Variants in PPARGC1A observed in about 807,000 individuals in gnomAD.
The protein encoded by PPARGC1A is peroxisome proliferator-activated receptor gamma coactivator 1-alpha.
PPARGC1A carries 25 observed loss-of-function variants against 88.7 expected under a neutral mutation model. The observed-to-expected ratio is 0.28, with a 90% CI of 0.21 to 0.39. PPARGC1A has a LOEUF of 0.39. Ranked by LOEUF, PPARGC1A falls within the 10% of genes least tolerant of loss-of-function variation. The pLI, the probability that PPARGC1A is intolerant of heterozygous loss-of-function variation, is 1.00. For missense variants in PPARGC1A, 880 were observed against 968.7 expected, an observed-to-expected ratio of 0.91 and a Z score of 1.22; for synonymous variants, 363 against 355.6, an observed-to-expected ratio of 1.02 and a Z score of -0.24.
At chr4:24,234,887 C>T in the PPARGC1A span, among the ~76,000 whole-genome samples, 1 of 152,108 alleles carries the variant, frequency 6.6e-6, no homozygotes, top group Non-Finnish European at 1.5e-5. Flanking sequence ...TTAGGATAGT[C>T]CTCTATTACA....
rs1165822767 is a variant in PPARGC1A at position 23,792,338 on chromosome 4, G to C, written c.*3484C>G. Reference sequence around the variant, plus strand: ...CACATTATAGTACATGGCTATTCTAGGTCATCTATAGATCAGGTCTTAGAC... The same window carrying C: ...CACATTATAGTACATGGCTATTCTACGTCATCTATAGATCAGGTCTTAGAC... On this transcript the variant is annotated 3_prime_UTR_variant, in exon 13 of 13. Coordinates refer to ENST00000264867, the MANE Select transcript of PPARGC1A (RefSeq NM_013261.5). The C allele has an allele frequency of 6.6e-6, 1 of 152,502 alleles. No homozygotes were observed. Among genetic ancestry groups the C allele is most frequent in the Non-Finnish European group, 1.5e-5 (1 of 68,016 alleles). 9.4% of individuals were successfully genotyped at this position (152,502 alleles called of 1,614,324 possible).
At chr4:24,208,682 A>AAAAATAT in the PPARGC1A span, among the ~76,000 whole-genome samples, 52 of 134,980 alleles carry the variant, frequency 3.9e-4, no homozygotes, top group African/African-American at 5.3e-4. Flanking sequence ...TCAGAAAAAA[A>AAAAATAT]ATATATATAT....
At chr4:24,364,176 G>A in the PPARGC1A span, among the ~76,000 whole-genome samples, 6 of 152,152 alleles carry the variant, frequency 3.9e-5, no homozygotes, top group African/African-American at 7.2e-5. Context: ...AATGGAAAGA[G>A]AAGCCAGCCA....
Position 23,836,381 on chromosome 4 carries a change from G to A in PPARGC1A, c.235-4630C>T, listed in dbSNP as rs116809283. On this transcript the variant is annotated intron_variant, in intron 2 of 12. Transcript: ENST00000264867. ...TCTCCTTACACAATGCAATTCTTCCGACCTAAATAAAGGTCTGTGTGACTG... is the reference window on the plus strand; with the variant it reads ...TCTCCTTACACAATGCAATTCTTCCAACCTAAATAAAGGTCTGTGTGACTG... 4.3e-3 allele frequency among the ~76,000 whole-genome samples: 662 copies of A among 152,226 alleles called. 7 individuals are homozygous for A. The highest frequency in any genetic ancestry group is 0.015 in the African/African-American group (631 of 41,530).
the PPARGC1A span, among the ~76,000 whole-genome samples, chr4:24,086,602 G>T: frequency 6.6e-6 from 1 of 152,128 alleles, no homozygotes; most frequent in Non-Finnish European, 1.5e-5. Flanking sequence ...TCATTATAAT[G>T]ACCTGCCGTG....
At chr4:24,000,413 GA>G in the PPARGC1A span, among the ~76,000 whole-genome samples, 5 of 151,898 alleles carry the variant, frequency 3.3e-5, no homozygotes, top group Non-Finnish European at 7.4e-5. Context: ...TTTCAACTCA[GA>G]AAAAAGTACA....
At chr4:24,105,781 A>T in the PPARGC1A span, among the ~76,000 whole-genome samples, 3 of 152,314 alleles carry the variant, frequency 2.0e-5, no homozygotes, top group South Asian at 6.2e-4. Context: ...AGATGATTTG[A>T]GGAGCAGCCA....
At chr4:24,076,084 T>C in the PPARGC1A span, among the ~76,000 whole-genome samples, 1 of 152,200 alleles carries the variant, frequency 6.6e-6, no homozygotes, top group Non-Finnish European at 1.5e-5. Flanking sequence ...TAGGATCAAC[T>C]GCCCTCTCTG....
At chr4:23,863,036 C>T (rs563062932) in intron 2 of PPARGC1A, among the ~76,000 whole-genome samples, 1 of 152,106 alleles carries the variant, frequency 6.6e-6, no homozygotes, top group African/African-American at 2.4e-5. Flanking sequence ...TTAACCAAGC[C>T]CAAATTCTCC....
chr4:23,815,181 C>T (rs1721738000), intron 7 of PPARGC1A, among the ~76,000 whole-genome samples: 1 of 150,840 alleles, frequency 6.6e-6, no homozygotes, highest in South Asian at 2.1e-4. Context: ...GTGAGAGTGA[C>T]ATAAGCAACT....
chr4:24,136,758 A>G, the PPARGC1A span, among the ~76,000 whole-genome samples: 7 of 152,128 alleles, frequency 4.6e-5, no homozygotes, highest in African/African-American at 1.7e-4. Flanking sequence ...CCATATGTTG[A>G]AGTCCTGACT....
the PPARGC1A span, among the ~76,000 whole-genome samples, chr4:24,070,544 CAG>C: frequency 6.6e-6 from 1 of 152,058 alleles, no homozygotes; most frequent in African/African-American, 2.4e-5. Context: ...AAAGCAAAAA[CAG>C]AAAGTACTTA....
Position 23,814,227 on chromosome 4 carries a change from C to A in PPARGC1A, c.1256G>T (p.Trp419Leu). 1.9e-6 allele frequency: 3 copies of A among 1,614,066 alleles called. No individual in the cohort carries two copies. The highest frequency in any genetic ancestry group is 2.5e-6 in the Non-Finnish European group (3 of 1,179,984). ...TGTGGAAGAACAAATCTGCCCCTGCCAATCAGAGGAGACATCTTTATTTTC... is the reference window on the plus strand; with the variant it reads ...TGTGGAAGAACAAATCTGCCCCTGCAAATCAGAGGAGACATCTTTATTTTC... ...QLENKDVSSD[W>L]QGQICSSTDS... Residue 419 changes from tryptophan (W) to leucine (L), a missense_variant, in exon 8 of 13, where the codon TGG (tryptophan) becomes TTG (leucine). Trp to Leu is a moderately conservative substitution (Grantham distance 61, BLOSUM62 -2). Coordinates refer to ENST00000264867, the MANE Select transcript of PPARGC1A (RefSeq NM_013261.5).
intron 10 of PPARGC1A, among the ~76,000 whole-genome samples, chr4:23,806,584 A>G (rs1315706848): frequency 6.6e-6 from 1 of 152,228 alleles, no homozygotes; most frequent in Non-Finnish European, 1.5e-5. Flanking sequence ...TACATTTATC[A>G]AATAACTTTT....
chr4:23,829,560 G>A lies in PPARGC1A; in HGVS notation c.455C>T (p.Ala152Val). The A allele has an allele frequency of 1.9e-6, 3 of 1,612,754 alleles. No individual in the cohort carries two copies. ...TTCATTATAACTTAGCTGAGTGTTG[G>A]CTGGTGCCAGTAAGAGCTTCTTAAG... ...SLLKKLLLAP[A>V]NTQLSYNECS... Residue 152 changes from alanine to valine, a missense_variant, in exon 4 of 13, where the codon GCC (alanine) becomes GTC (valine). Coordinates refer to ENST00000264867, the MANE Select transcript of PPARGC1A (RefSeq NM_013261.5).
At chr4:24,339,950 G>A in the PPARGC1A span, among the ~76,000 whole-genome samples, 1 of 152,010 alleles carries the variant, frequency 6.6e-6, no homozygotes, top group Non-Finnish European at 1.5e-5. Flanking sequence ...TGTTAGCCAG[G>A]ATGGTTTCCA....
At chr4:24,278,274 T>C in the PPARGC1A span, among the ~76,000 whole-genome samples, 2 of 152,210 alleles carry the variant, frequency 1.3e-5, no homozygotes, top group African/African-American at 2.4e-5. Flanking sequence ...TATACTACAA[T>C]GTACCAAGCA....
the PPARGC1A span, among the ~76,000 whole-genome samples, chr4:24,201,035 A>C: frequency 6.6e-6 from 1 of 152,218 alleles, no homozygotes; most frequent in Non-Finnish European, 1.5e-5. Context: ...CCTACCAGCT[A>C]AAAAGACAAG....
At chr4:24,175,307 T>G in the PPARGC1A span, among the ~76,000 whole-genome samples, 1 of 151,920 alleles carries the variant, frequency 6.6e-6, no homozygotes, top group Non-Finnish European at 1.5e-5. Context: ...GATCCCATTT[T>G]GTGATAACAA....
Sources: allele counts gnomAD v4.1 joint callset (sites outside exome capture counted in the v4.1 genomes callset), GRCh38; gene constraint gnomAD v4.1.1; transcripts MANE v1.5; gene names NCBI Gene and HGNC (gene_info 2026-07-23, HGNC 2026-07-21).